Variants in PTPRM observed in about 807,000 individuals in gnomAD.
PTPRM encodes the protein protein tyrosine phosphatase receptor type M.
A neutral mutation model predicts 186.7 loss-of-function variants in PTPRM; 47 were observed. The ratio of observed to expected loss-of-function variants is 0.25; its 90% CI spans 0.20 to 0.32. PTPRM has a LOEUF of 0.32. Among genes scored for constraint, PTPRM ranks in the 10% least tolerant of loss-of-function variants. The pLI is 1.00. For synonymous variants in PTPRM, 668 were observed against 674.9 expected, an observed-to-expected ratio of 0.99 and a Z score of 0.16; for missense variants, 1,494 against 1,865.0, an observed-to-expected ratio of 0.80 and a Z score of 3.66.
intron 1 of PTPRM, among the ~76,000 whole-genome samples, chr18:7,655,766 A>C (rs2038831841): frequency 6.6e-6 from 1 of 152,206 alleles, no homozygotes; most frequent in Admixed American, 6.5e-5. Flanking sequence ...ACATATTATT[A>C]AGTGAAAGAA....
At chr18:7,699,470 G>A (rs1349797695) in intron 1 of PTPRM, among the ~76,000 whole-genome samples, 5 of 151,992 alleles carry the variant, frequency 3.3e-5, no homozygotes, top group Admixed American at 6.6e-5. Context: ...GTAGAGTGGC[G>A]CGATCTCAGC....
At chr18:7,680,909 G>C (rs1299426258) in intron 1 of PTPRM, among the ~76,000 whole-genome samples, 1 of 152,090 alleles carries the variant, frequency 6.6e-6, no homozygotes, top group Non-Finnish European at 1.5e-5. Context: ...ACTCTTGATA[G>C]TGAACTTGCC....
intron 2 of PTPRM, among the ~76,000 whole-genome samples, chr18:7,782,752 T>C (rs566803074): frequency 6.6e-6 from 1 of 152,342 alleles, no homozygotes; most frequent in East Asian, 1.9e-4. Flanking sequence ...AGTTTTTCTA[T>C]ACAAAAACTT....
At chr18:7,697,979 T>C (rs967904167) in intron 1 of PTPRM, among the ~76,000 whole-genome samples, 10 of 152,236 alleles carry the variant, frequency 6.6e-5, no homozygotes, top group African/African-American at 2.4e-4. Flanking sequence ...TCTGTTGTAG[T>C]CAAGTTTGAT....
At chr18:8,287,456 C>G (rs1353991947) in intron 19 of PTPRM, among the ~76,000 whole-genome samples, 1 of 152,132 alleles carries the variant, frequency 6.6e-6, no homozygotes, top group Non-Finnish European at 1.5e-5. Flanking sequence ...ACAGCTTACT[C>G]TGGGACAAGT....
intron 14 of PTPRM, among the ~76,000 whole-genome samples, chr18:8,176,700 C>T (rs1174072879): frequency 1.3e-5 from 2 of 152,302 alleles, no homozygotes; most frequent in African/African-American, 2.4e-5. Flanking sequence ...ACTGCAGGCG[C>T]ACCCGGTTGG....
At chr18:8,382,202 A>G (rs28490278) in intron 29 of PTPRM, among the ~76,000 whole-genome samples, 41,809 of 152,098 alleles carry the variant, frequency 0.27, 6,420 homozygotes, top group East Asian at 0.5. Context: ...CGGTTCACGG[A>G]CGTGTTATGC....
intron 9 of PTPRM, among the ~76,000 whole-genome samples, chr18:8,080,258 T>G (rs923156470): frequency 6.6e-6 from 1 of 152,164 alleles, no homozygotes; most frequent in Non-Finnish European, 1.5e-5. Flanking sequence ...TACTCCCCAA[T>G]GTACAAGGAT....
At chr18:8,233,277 C>T (rs2094308781) in intron 14 of PTPRM, among the ~76,000 whole-genome samples, 1 of 152,202 alleles carries the variant, frequency 6.6e-6, no homozygotes, top group Admixed American at 6.5e-5. Context: ...CTTTTGCATT[C>T]CTATCAACAA....
At chr18:7,725,762 C>G (rs761989603) in intron 1 of PTPRM, among the ~76,000 whole-genome samples, 1 of 152,140 alleles carries the variant, frequency 6.6e-6, no homozygotes, top group Non-Finnish European at 1.5e-5. Context: ...ATCTCCCCTT[C>G]GCGCTGAGAG....
chr18:7,791,500 T>G (rs377164273), intron 2 of PTPRM, among the ~76,000 whole-genome samples: 28 of 152,324 alleles, frequency 1.8e-4, no homozygotes, highest in African/African-American at 6.5e-4. Context: ...CTTCAACATG[T>G]ATTTTCCAAG....
intron 2 of PTPRM, among the ~76,000 whole-genome samples, chr18:7,777,861 A>T (rs2042666691): frequency 6.6e-6 from 1 of 152,170 alleles, no homozygotes; most frequent in Admixed American, 6.5e-5. Context: ...TGAATAATTC[A>T]TCAAGGGCTG....
intron 7 of PTPRM, among the ~76,000 whole-genome samples, chr18:7,988,453 A>C (rs1186006281): frequency 2.6e-5 from 4 of 152,148 alleles, no homozygotes; most frequent in African/African-American, 4.8e-5. Flanking sequence ...TAAATGTACA[A>C]TTCAGTGCCA....
chr18:8,146,393 T>C (rs1270916512), intron 14 of PTPRM, among the ~76,000 whole-genome samples: 1 of 152,226 alleles, frequency 6.6e-6, no homozygotes, highest in Non-Finnish European at 1.5e-5. Flanking sequence ...TTTGCATTTC[T>C]CTAACGACCG....
At chr18:7,908,470 T>C (rs967253286) in intron 4 of PTPRM, among the ~76,000 whole-genome samples, 1 of 152,184 alleles carries the variant, frequency 6.6e-6, no homozygotes, top group Non-Finnish European at 1.5e-5. Flanking sequence ...AGGACCCTCT[T>C]TGTTAAGCTT....
chr18:8,357,090 G>A (rs529453300), intron 23 of PTPRM, among the ~76,000 whole-genome samples: 1 of 152,324 alleles, frequency 6.6e-6, no homozygotes, highest in South Asian at 2.1e-4. Flanking sequence ...GAAAACGATT[G>A]AGTGTGGATT....
At chr18:8,148,294 G>C (rs760663485) in intron 14 of PTPRM, among the ~76,000 whole-genome samples, 1 of 152,000 alleles carries the variant, frequency 6.6e-6, no homozygotes, top group African/African-American at 2.4e-5. Context: ...TTTTCTCGTT[G>C]GTAGGCTATT....
chr18:8,328,117 G>A (rs1418367772), intron 22 of PTPRM, among the ~76,000 whole-genome samples: 1 of 152,030 alleles, frequency 6.6e-6, no homozygotes, highest in Non-Finnish European at 1.5e-5. Context: ...CATACTTCTG[G>A]TATAGGTTTA....
At chr18:8,192,436 G>A (rs2093721505) in intron 14 of PTPRM, among the ~76,000 whole-genome samples, 1 of 152,094 alleles carries the variant, frequency 6.6e-6, no homozygotes, top group African/African-American at 2.4e-5. Flanking sequence ...CAAAATCAAG[G>A]TTGTACTCAA....
Sources: allele counts gnomAD v4.1 joint callset (sites outside exome capture counted in the v4.1 genomes callset), GRCh38; gene constraint gnomAD v4.1.1; transcripts MANE v1.5; gene names NCBI Gene and HGNC (gene_info 2026-07-23, HGNC 2026-07-21).